WWP2: variants seen among roughly 807,000 people sequenced by gnomAD.
The protein encoded by WWP2 is WW domain containing E3 ubiquitin protein ligase 2, also known as NEDD4-like E3 ubiquitin-protein ligase WWP2.
WWP2 carries 57 observed loss-of-function variants against 121.0 expected under a neutral mutation model. That is an observed-to-expected ratio of 0.47 (90% confidence interval 0.38 to 0.59). The LOEUF (loss-of-function observed/expected upper bound fraction) is 0.59, where lower values mean the gene tolerates loss of function less well. Among genes scored for constraint, WWP2 ranks in the 20% least tolerant of loss-of-function variants. WWP2 has a pLI of 0.00. For missense variants in WWP2, 962 were observed against 1,158.9 expected, an observed-to-expected ratio of 0.83 and a Z score of 2.47; for synonymous variants, 449 against 441.3, an observed-to-expected ratio of 1.02 and a Z score of -0.22.
intron 10 of WWP2, among the ~76,000 whole-genome samples, chr16:69,919,959 A>G (rs1035580709): frequency 1.3e-5 from 2 of 151,692 alleles, no homozygotes; most frequent in African/African-American, 4.8e-5. Flanking sequence ...ACACCTGGCT[A>G]ATTTTTTGTA....
At chr16:69,894,106 C>T (rs1417677778) in intron 8 of WWP2, among the ~76,000 whole-genome samples, 5 of 151,404 alleles carry the variant, frequency 3.3e-5, no homozygotes, top group African/African-American at 1.2e-4. Flanking sequence ...GATGGAGTCT[C>T]GCTCTGTCAC....
chr16:69,837,787 C>T (rs975190552), intron 4 of WWP2, among the ~76,000 whole-genome samples: 1 of 152,120 alleles, frequency 6.6e-6, no homozygotes, highest in East Asian at 1.9e-4. Context: ...GAAGGCTGGG[C>T]GCCTTTAGGA....
At chr16:69,893,823 A>T (rs1183610189) in intron 8 of WWP2, among the ~76,000 whole-genome samples, 1 of 149,492 alleles carries the variant, frequency 6.7e-6, no homozygotes, top group African/African-American at 2.5e-5. Context: ...GGATTACAGG[A>T]GTGAGCCACT....
intron 6 of WWP2, among the ~76,000 whole-genome samples, chr16:69,855,108 A>G (rs1432324865): frequency 6.6e-6 from 1 of 152,224 alleles, no homozygotes; most frequent in African/African-American, 2.4e-5. Context: ...TGGCCTTCCA[A>G]AGTGCTGGGA....
chr16:69,905,732 G>A lies in WWP2; in HGVS notation c.915-3029G>A, dbSNP rs759213537. ...GGAAGGCTGCTCACTTTGAGATCAG[G>A]ATTGGGAAGCCACCTGGCACATGGC... On this transcript the variant is annotated intron_variant, in intron 8 of 23. Coordinates refer to ENST00000359154, the MANE Select transcript of WWP2 (RefSeq NM_001270454.2). Among the ~76,000 whole-genome samples, 21 of 152,238 alleles carry A rather than the reference G, an allele frequency of 1.4e-4. 1 individual carries two copies. Among genetic ancestry groups the A allele is most frequent in the Admixed American group, 6.5e-5 (1 of 15,288 alleles).
chr16:69,908,971 A>T, intron 9 of WWP2, 121 bp downstream of exon 9: 1 of 1,508,250 alleles, frequency 6.6e-7, no homozygotes, highest in Non-Finnish European at 8.8e-7. Context: ...ATTCCGGGTC[A>T]CTTGATTGCT....
intron 4 of WWP2, among the ~76,000 whole-genome samples, chr16:69,812,815 C>G (rs2056420006): frequency 6.6e-6 from 1 of 152,102 alleles, no homozygotes. Context: ...ATGACATTAA[C>G]TTTCATCACT....
chr16:69,928,566 C>G lies in WWP2; in HGVS notation c.1235-882C>G, dbSNP rs190729271. ...GGAAAAGTGTATTTGTTCCCCAGCC[C>G]CACTCCATGAACATTCCCCTGTCTC... is the stretch of plus-strand genomic sequence containing the variant. On this transcript the variant is annotated intron_variant, in intron 11 of 23. Coordinates refer to ENST00000359154, the MANE Select transcript of WWP2 (RefSeq NM_001270454.2). 2.4e-3 allele frequency among the ~76,000 whole-genome samples: 358 copies of G among 152,118 alleles called. 1 individual carries two copies. Among genetic ancestry groups the G allele is most frequent in the Admixed American group, 0.01 (155 of 15,266 alleles).
chr16:69,789,244 T>G (rs964871703), intron 2 of WWP2, among the ~76,000 whole-genome samples: 3 of 151,856 alleles, frequency 2.0e-5, no homozygotes, highest in Non-Finnish European at 4.4e-5. Flanking sequence ...TTGTTTGTTT[T>G]TTTGAGATGG....
intron 6 of WWP2, among the ~76,000 whole-genome samples, chr16:69,859,891 C>A (rs543021220): frequency 6.7e-4 from 100 of 149,140 alleles, no homozygotes; most frequent in African/African-American, 2.3e-3. Flanking sequence ...CCCGATGATC[C>A]CCTTTCTTAA....
intron 6 of WWP2, among the ~76,000 whole-genome samples, chr16:69,859,209 C>G (rs971012907): frequency 1.3e-5 from 2 of 152,178 alleles, no homozygotes; most frequent in African/African-American, 4.8e-5. Flanking sequence ...AATCAAGGCT[C>G]TGGCAGGACA....
At position 69,939,126 on chromosome 16, in the gene WWP2, A is replaced by C; in HGVS notation, c.2440+3A>C. ...CGGGGGATTTGCCGAACTCATCGGT[A>C]TGTTTTCTCTCGCCCTCTGGCGTCC... On this transcript the variant is annotated splice_donor_region_variant and intron_variant, in intron 22 of 23. Transcript: ENST00000359154. 6.3e-7 allele frequency: 1 copy of C among 1,596,300 alleles called. No individual in the cohort carries two copies. The highest frequency in any genetic ancestry group is 2.3e-5 in the East Asian group (1 of 44,046).
At chr16:69,854,584 T>G (rs911448592) in intron 6 of WWP2, among the ~76,000 whole-genome samples, 3 of 152,136 alleles carry the variant, frequency 2.0e-5, no homozygotes, top group Non-Finnish European at 4.4e-5. Context: ...GGAATCTTGC[T>G]CTGTCGCCCA....
chr16:69,774,506 C>T (rs2055483173), intron 1 of WWP2, among the ~76,000 whole-genome samples: 1 of 152,196 alleles, frequency 6.6e-6, no homozygotes, highest in Admixed American at 6.5e-5. Flanking sequence ...ATCCACCTGA[C>T]TTGGCCTCCT....
At chr16:69,844,641 G>A (rs2057036727) in intron 6 of WWP2, among the ~76,000 whole-genome samples, 1 of 152,176 alleles carries the variant, frequency 6.6e-6, no homozygotes, top group African/African-American at 2.4e-5. Flanking sequence ...CAGGTCATCG[G>A]TGTTGCAGCA....
intron 8 of WWP2, chr16:69,894,965 A>G (rs947884425): frequency 6.6e-6 from 1 of 152,172 alleles, no homozygotes; most frequent in Non-Finnish European, 1.5e-5. Flanking sequence ...ATTTCACACC[A>G]TGCTTTTTCT....
intron 4 of WWP2, among the ~76,000 whole-genome samples, chr16:69,835,299 T>TA (rs1002990538): frequency 1.2e-4 from 19 of 152,316 alleles, no homozygotes; most frequent in Non-Finnish European, 2.1e-4. Flanking sequence ...CAGCCACACT[T>TA]ACGCCTTTCA....
At chr16:69,919,096 G>A (rs545319434) in intron 10 of WWP2, among the ~76,000 whole-genome samples, 4 of 19,348 alleles carry the variant, frequency 2.1e-4, no homozygotes, top group African/African-American at 1.3e-3. Context: ...TGCCCTCCTC[G>A]GCCTCCCAAA....
At chr16:69,857,756 G>A (rs1364270198) in intron 6 of WWP2, among the ~76,000 whole-genome samples, 2 of 146,810 alleles carry the variant, frequency 1.4e-5, no homozygotes, top group African/African-American at 5.1e-5. Flanking sequence ...CGACCTCCCA[G>A]GCTCAAGTGA....
Sources: gnomAD v4.1 joint callset for allele counts (sites outside exome capture counted in the v4.1 genomes callset) on GRCh38, gnomAD v4.1.1 for gene constraint, MANE v1.5 for transcripts, NCBI Gene and HGNC (gene_info 2026-07-23, HGNC 2026-07-21) for gene names.